C17orf67: variants seen among roughly 807,000 people sequenced by gnomAD.
The protein encoded by C17orf67 is uncharacterized protein C17orf67.
C17orf67 carries 12 observed loss-of-function variants against 11.2 expected under a neutral mutation model. That is an observed-to-expected ratio of 1.07 (90% CI 0.68 to 1.73). The LOEUF is 1.73. Ranked by LOEUF, C17orf67 falls within the 40% of genes most tolerant of loss-of-function variation. The probability of loss-of-function intolerance (pLI) is 0.00; values close to 1 mark genes in which losing one functional copy is unlikely to be tolerated. For synonymous variants in C17orf67, 59 were observed against 46.9 expected (o/e 1.26, Z -1.05); for missense variants, 115 against 113.5 (o/e 1.01, Z -0.06).
chr17:56,802,957 C>T (rs765452713), intron 6 of C17orf67, among the ~76,000 whole-genome samples: 15 of 152,204 alleles, frequency 9.9e-5, no homozygotes, highest in East Asian at 1.9e-4. Context: ...AAATGACTGG[C>T]GCCTTAGCAG....
At chr17:56,822,774 G>C (rs146611695) in intron 4 of C17orf67, among the ~76,000 whole-genome samples, 1 of 152,292 alleles carries the variant, frequency 6.6e-6, no homozygotes, top group African/African-American at 2.4e-5. Flanking sequence ...CTTGCCCCGT[G>C]TCAACACCGC....
intron 6 of C17orf67, among the ~76,000 whole-genome samples, chr17:56,796,810 C>T (rs973869): frequency 0.13 from 20,424 of 151,416 alleles, 1,475 homozygotes; most frequent in South Asian, 0.16. Context: ...GCATTCCTCC[C>T]ACCCCATGCC....
intron 6 of C17orf67, among the ~76,000 whole-genome samples, chr17:56,809,092 C>CT (rs988929876): frequency 1.6e-4 from 24 of 151,992 alleles, no homozygotes; most frequent in African/African-American, 5.6e-4. Flanking sequence ...ATCACTAACT[C>CT]TACTCATTTG....
chr17:56,795,881 C>G (rs946606510), intron 6 of C17orf67, among the ~76,000 whole-genome samples: 1 of 152,114 alleles, frequency 6.6e-6, no homozygotes, highest in Non-Finnish European at 1.5e-5. Context: ...AAATAGCATA[C>G]TGAGTGAAAA....
At chr17:56,800,657 T>C (rs1377838090) in intron 6 of C17orf67, among the ~76,000 whole-genome samples, 1 of 152,208 alleles carries the variant, frequency 6.6e-6, no homozygotes, top group Non-Finnish European at 1.5e-5. Context: ...CATCTCACTC[T>C]TACCTGACTT....
intron 6 of C17orf67, among the ~76,000 whole-genome samples, chr17:56,802,504 G>A (rs1905348372): frequency 6.6e-6 from 1 of 152,200 alleles, no homozygotes; most frequent in South Asian, 2.1e-4. Flanking sequence ...ATGGTCTAGA[G>A]GTTGTTAACC....
intron 4 of C17orf67, among the ~76,000 whole-genome samples, chr17:56,818,153 AT>A (rs79066587): frequency 6.7e-6 from 1 of 148,196 alleles, no homozygotes; most frequent in Non-Finnish European, 1.5e-5. Context: ...TAGTAGCATT[AT>A]TTAAAAAAAA....
chr17:56,815,894 C>G lies in C17orf67; in HGVS notation c.-84G>C. 6.2e-7 allele frequency: 1 copy of G among 1,601,920 alleles called. No homozygotes were observed. On this transcript the variant is annotated 5_prime_UTR_variant, in exon 5 of 8. Transcript: ENST00000397861. ...TTGAAGGAAGCCATGCCAGGCCCTGCGCTTGTTTATGCTTTGACTAACGGG... is the reference window on the plus strand; with the variant it reads ...TTGAAGGAAGCCATGCCAGGCCCTGGGCTTGTTTATGCTTTGACTAACGGG...
intron 4 of C17orf67, among the ~76,000 whole-genome samples, chr17:56,819,402 A>C (rs940342347): frequency 6.6e-6 from 1 of 152,112 alleles, no homozygotes; most frequent in African/African-American, 2.4e-5. Flanking sequence ...CACTCACCAT[A>C]ATTTATACGT....
intron 4 of C17orf67, among the ~76,000 whole-genome samples, chr17:56,819,170 C>T (rs898068225): frequency 6.6e-6 from 1 of 152,220 alleles, no homozygotes; most frequent in Admixed American, 6.5e-5. Flanking sequence ...CCACTCCCCT[C>T]CTGCTCACTG....
At chr17:56,832,773 ATAT>A (rs761251051) in intron 2 of C17orf67, 122 bp downstream of exon 2, 5 of 152,238 alleles carry the variant, frequency 3.3e-5, no homozygotes, top group Non-Finnish European at 5.9e-5. Context: ...TTACAATAGT[ATAT>A]TATTAAAATC....
At chr17:56,813,831 T>C (rs1377058904) in intron 6 of C17orf67, among the ~76,000 whole-genome samples, 2 of 151,442 alleles carry the variant, frequency 1.3e-5, no homozygotes, top group South Asian at 4.1e-4. Flanking sequence ...TTTATAATAA[T>C]AATATTATAG....
chr17:56,800,255 C>T lies in C17orf67; in HGVS notation c.157-5075G>A, dbSNP rs112979256. ...TAATTTTTTGAATTTTTAGTAGAGA[C>T]GGGGTTTCACCGTGTTAGCCAGGAT... On this transcript the variant is annotated intron_variant, in intron 6 of 7. Coordinates refer to ENST00000397861, the MANE Select transcript of C17orf67 (RefSeq NM_001085430.4). Among the ~76,000 whole-genome samples the T allele has an allele frequency of 4.8e-3, 728 of 152,068 alleles. 2 individuals are homozygous for T. Among genetic ancestry groups the T allele is most frequent in the African/African-American group, 0.016 (683 of 41,478 alleles).
At position 56,808,643 on chromosome 17, in the gene C17orf67, C is replaced by T. The variant is rs1044371525; in HGVS notation, c.156+6226G>A. 2.0e-5 allele frequency among the ~76,000 whole-genome samples: 3 copies of T among 152,186 alleles called. 1 individual carries two copies. Among genetic ancestry groups the T allele is most frequent in the African/African-American group, 7.2e-5 (3 of 41,438 alleles). On this transcript the variant is annotated intron_variant, in intron 6 of 7. Transcript: ENST00000397861. Reference sequence around the variant, plus strand: ...CTCAAAAGCACTTTGTCCTTCCCACCACCAAGTCAGAAAAGAACAGCTTGT... The same window carrying T: ...CTCAAAAGCACTTTGTCCTTCCCACTACCAAGTCAGAAAAGAACAGCTTGT...
intron 4 of C17orf67, among the ~76,000 whole-genome samples, chr17:56,821,951 C>G (rs149933560): frequency 1.7e-4 from 26 of 152,316 alleles, no homozygotes; most frequent in Admixed American, 2.6e-4. Context: ...ACCTTCCCCC[C>G]GTTGGCTACT....
At chr17:56,795,417 A>C in intron 6 of C17orf67, 1 of 513,914 alleles carries the variant, frequency 1.9e-6, no homozygotes. Context: ...TTTCCATGAA[A>C]ACATGGGACA....
chr17:56,802,811 C>T (rs1905355299), intron 6 of C17orf67, among the ~76,000 whole-genome samples: 1 of 152,238 alleles, frequency 6.6e-6, no homozygotes, highest in African/African-American at 2.4e-5. Context: ...AAGACTACAG[C>T]ATCATTCTTC....
chr17:56,804,542 G>GAGTTACTACATACATTTGTCAAA (rs1470033842), intron 6 of C17orf67, among the ~76,000 whole-genome samples: 3 of 152,222 alleles, frequency 2.0e-5, no homozygotes, highest in African/African-American at 7.2e-5. Context: ...GAGGTAATGG[G>GAGTTACTACATACATTTGTCAAA]GAACAAAAGG....
At chr17:56,805,151 A>G (rs986235388) in intron 6 of C17orf67, among the ~76,000 whole-genome samples, 13 of 152,222 alleles carry the variant, frequency 8.5e-5, no homozygotes, top group African/African-American at 2.9e-4. Context: ...CTTGCGCTGC[A>G]ATTGCTATGC....
Sources: allele counts gnomAD v4.1 joint callset (sites outside exome capture counted in the v4.1 genomes callset), GRCh38; gene constraint gnomAD v4.1.1; transcripts MANE v1.5; gene names NCBI Gene and HGNC (gene_info 2026-07-23, HGNC 2026-07-21).